Variants in ADAMTS18 observed in about 807,000 individuals in gnomAD.
ADAMTS18 encodes A disintegrin and metalloproteinase with thrombospondin motifs 18.
In ADAMTS18, 157 loss-of-function variants were observed where a neutral mutation model predicts 165.9. The observed-to-expected ratio is 0.95, with a 90% confidence interval of 0.83 to 1.08. ADAMTS18 has a LOEUF of 1.08. Ranked by LOEUF, ADAMTS18 falls within the 50% of genes least tolerant of loss-of-function variation. The pLI, the probability that ADAMTS18 is intolerant of heterozygous loss-of-function variation, is 0.00. For missense variants in ADAMTS18, 2,040 were observed against 1,534.0 expected, an observed-to-expected ratio of 1.33 and a Z score of -5.51; for synonymous variants, 782 against 578.2, an observed-to-expected ratio of 1.35 and a Z score of -5.06.
chr16:77,417,612 T>G (rs2057547511), intron 3 of ADAMTS18, among the ~76,000 whole-genome samples: 2 of 152,200 alleles, frequency 1.3e-5, no homozygotes, highest in Admixed American at 1.3e-4. Context: ...GCAAAAGAGC[T>G]CTTTGCCTCT....
chr16:77,413,058 C>T (rs2057485667), intron 3 of ADAMTS18, among the ~76,000 whole-genome samples: 1 of 152,034 alleles, frequency 6.6e-6, no homozygotes, highest in African/African-American at 2.4e-5. Flanking sequence ...TAAAAAAAAA[C>T]TTGTTGGTTC....
intron 12 of ADAMTS18, among the ~76,000 whole-genome samples, chr16:77,330,871 T>G (rs946173756): frequency 6.6e-6 from 1 of 152,206 alleles, no homozygotes; most frequent in Non-Finnish European, 1.5e-5. Context: ...CACTGAGTGA[T>G]GTGAATAGAA....
intron 16 of ADAMTS18, among the ~76,000 whole-genome samples, chr16:77,302,010 T>C (rs1597096285): frequency 6.7e-6 from 1 of 149,866 alleles, no homozygotes; most frequent in Non-Finnish European, 1.5e-5. Context: ...TTTGCTTTTT[T>C]TTTTTTTTTT....
intron 5 of ADAMTS18, 111 bp downstream of exon 5, chr16:77,364,077 T>A: frequency 1.4e-6 from 2 of 1,431,156 alleles, no homozygotes; most frequent in Non-Finnish European, 2.0e-6. Flanking sequence ...TGGCAGAAAC[T>A]GCAATTACAT....
intron 17 of ADAMTS18, among the ~76,000 whole-genome samples, chr16:77,298,200 G>T (rs1188150209): frequency 6.6e-6 from 1 of 152,034 alleles, no homozygotes; most frequent in Non-Finnish European, 1.5e-5. Flanking sequence ...ATAGTCATGA[G>T]CCACTGCACC....
chr16:77,412,287 C>T (rs2057474962), intron 3 of ADAMTS18, among the ~76,000 whole-genome samples: 1 of 152,130 alleles, frequency 6.6e-6, no homozygotes, highest in African/African-American at 2.4e-5. Flanking sequence ...TGGGACTTCT[C>T]AGTCTTTATA....
intron 3 of ADAMTS18, among the ~76,000 whole-genome samples, chr16:77,374,045 C>G (rs1029782380): frequency 1.3e-5 from 2 of 151,932 alleles, no homozygotes; most frequent in African/African-American, 4.8e-5. Flanking sequence ...ATGGTGAAAC[C>G]TCATCTCTAC....
chr16:77,332,691 A>G (rs6564427), intron 12 of ADAMTS18, among the ~76,000 whole-genome samples: 47,091 of 151,966 alleles, frequency 0.31, 8,003 homozygotes, highest in East Asian at 0.62. Context: ...GTTAGAGCAT[A>G]TAAAAGTAAC....
chr16:77,417,999 C>T (rs914455316), intron 3 of ADAMTS18, among the ~76,000 whole-genome samples: 9 of 152,210 alleles, frequency 5.9e-5, no homozygotes, highest in African/African-American at 2.2e-4. Context: ...AAATCTACAT[C>T]CACGTGGTTA....
In ADAMTS18 at chr16:77,294,996, C is replaced by T. The variant is rs2055439424; in HGVS notation, c.2933G>A (p.Ser978Asn). The T allele has an allele frequency of 6.2e-7, 1 of 1,614,136 alleles. No homozygotes were observed. Among genetic ancestry groups the T allele is most frequent in the Non-Finnish European group, 8.5e-7 (1 of 1,180,028 alleles). ...EAVLHSLCPVSTPTQVQACNS... is the reference protein window; with the variant it reads ...EAVLHSLCPVNTPTQVQACNS... ...GCAGGCTTGGACCTGAGTGGGTGTG[C>T]TCACTGGACAGAGAGAATGCAACAC... The change falls in exon 19 of 23, where the codon AGC becomes AAC. Residue 978 changes from serine (S) to asparagine (N), a missense_variant. Coordinates refer to ENST00000282849, the MANE Select transcript of ADAMTS18 (RefSeq NM_199355.4).
chr16:77,357,544 C>T (rs959474295), intron 8 of ADAMTS18, among the ~76,000 whole-genome samples: 3 of 151,928 alleles, frequency 2.0e-5, no homozygotes, highest in East Asian at 1.9e-4. Context: ...AAATAAAGCA[C>T]GAGAAGAAAC....
chr16:77,333,492 C>T (rs567649076), intron 12 of ADAMTS18, among the ~76,000 whole-genome samples: 1,572 of 141,362 alleles, frequency 0.011, 30 homozygotes, highest in African/African-American at 0.038. Flanking sequence ...AAAGAAATAC[C>T]AAAAAAAAAA....
chr16:77,315,477 G>C (rs1315958252), intron 16 of ADAMTS18, among the ~76,000 whole-genome samples: 2 of 152,198 alleles, frequency 1.3e-5, no homozygotes, highest in Admixed American at 6.5e-5. Flanking sequence ...CCATGAATGA[G>C]GGCATCTCCA....
rs546113914 is a variant in ADAMTS18 at position 77,429,072 on chromosome 16, T to C, written c.495+2223A>G. Among the ~76,000 whole-genome samples, 103 of 152,280 alleles carry C rather than the reference T, an allele frequency of 6.8e-4. 1 individual carries two copies. In the South Asian group the frequency reaches 0.02, roughly 29 times the overall value. On this transcript the variant is annotated intron_variant, in intron 3 of 22. Coordinates refer to ENST00000282849, the MANE Select transcript of ADAMTS18 (RefSeq NM_199355.4). ...CTAAAAGCAGAAATACCATTCAACCTAGCAGTCCCAGTACTAGGTATGAGA... is the reference window on the plus strand; with the variant it reads ...CTAAAAGCAGAAATACCATTCAACCCAGCAGTCCCAGTACTAGGTATGAGA...
intron 3 of ADAMTS18, among the ~76,000 whole-genome samples, chr16:77,377,330 G>A (rs868261145): frequency 1.3e-5 from 2 of 152,190 alleles, no homozygotes; most frequent in Non-Finnish European, 2.9e-5. Flanking sequence ...TAATAGTTCA[G>A]TGTGAAGAGC....
At chr16:77,314,624 A>AGTGTGTGT (rs765802389) in intron 16 of ADAMTS18, among the ~76,000 whole-genome samples, 174 of 67,354 alleles carry the variant, frequency 2.6e-3, no homozygotes, top group Middle Eastern at 8.5e-3. Context: ...AAAAAAAAAA[A>AGTGTGTGT]ATGTGTGTGT....
chr16:77,348,182 T>C (rs968911121), intron 10 of ADAMTS18, among the ~76,000 whole-genome samples: 5 of 152,136 alleles, frequency 3.3e-5, no homozygotes, highest in African/African-American at 9.7e-5. Flanking sequence ...ATTTCCTTTC[T>C]GCTGGATTCA....
Position 77,364,181 on chromosome 16 carries a change from C to G in ADAMTS18, c.972+7G>C, listed in dbSNP as rs917230582. 1 of 1,614,086 alleles carries G rather than the reference C, an allele frequency of 6.2e-7. No homozygotes were observed. The highest frequency in any genetic ancestry group is 8.5e-7 in the Non-Finnish European group (1 of 1,179,996). ...AGAGCCAGAAGGTTTGTGACACCCC[C>G]GCTTACCATGTTCATTACTGTGAGA... On this transcript the variant is annotated splice_region_variant and intron_variant, in intron 5 of 22. Transcript: ENST00000282849.
At chr16:77,391,770 T>C (rs1296802273) in intron 3 of ADAMTS18, among the ~76,000 whole-genome samples, 1 of 152,166 alleles carries the variant, frequency 6.6e-6, no homozygotes, top group Non-Finnish European at 1.5e-5. Context: ...AGAAAAGGTA[T>C]TGTTTTGTTA....
Sources: gnomAD v4.1 joint callset for allele counts (sites outside exome capture counted in the v4.1 genomes callset) on GRCh38, gnomAD v4.1.1 for gene constraint, MANE v1.5 for transcripts, NCBI Gene and HGNC (gene_info 2026-07-23, HGNC 2026-07-21) for gene names.